Variants in CNTN5 observed in about 807,000 individuals in gnomAD.
The protein encoded by CNTN5 is contactin 5.
CNTN5 carries 77 observed loss-of-function variants against 129.1 expected under a neutral mutation model. That is an observed-to-expected ratio of 0.60 (90% confidence interval 0.50 to 0.72). CNTN5 has a LOEUF of 0.72. Ranked by LOEUF, CNTN5 falls within the 30% of genes least tolerant of loss-of-function variation. CNTN5 has a pLI of 0.00. For missense variants in CNTN5, 1,478 were observed against 1,328.8 expected (o/e 1.11, Z -1.75); for synonymous variants, 509 against 465.6 (o/e 1.09, Z -1.20).
intron 6 of CNTN5, among the ~76,000 whole-genome samples, chr11:99,889,552 T>C (rs1409482417): frequency 6.6e-5 from 10 of 150,548 alleles, no homozygotes; most frequent in Non-Finnish European, 1.5e-4. Flanking sequence ...TTTTTTCTTT[T>C]GAGATTGAGT....
At chr11:99,731,274 A>T (rs1591053208) in intron 3 of CNTN5, among the ~76,000 whole-genome samples, 1 of 149,562 alleles carries the variant, frequency 6.7e-6, no homozygotes, top group Admixed American at 6.6e-5. Context: ...TGCCTGGCTA[A>T]TTTTTTTTTT....
intron 6 of CNTN5, among the ~76,000 whole-genome samples, chr11:99,902,286 G>A (rs989854613): frequency 5.4e-5 from 8 of 147,730 alleles, no homozygotes; most frequent in South Asian, 2.2e-4. Context: ...TGAAAAATCC[G>A]AAAGAATAAC....
At chr11:100,281,849 G>C (rs1950647439) in intron 18 of CNTN5, among the ~76,000 whole-genome samples, 1 of 152,034 alleles carries the variant, frequency 6.6e-6, no homozygotes, top group Admixed American at 6.6e-5. Flanking sequence ...TCTTCTGCTA[G>C]ATCAATTCTA....
chr11:100,225,115 G>A (rs17626559), intron 16 of CNTN5: 12,589 of 182,936 alleles, frequency 0.069, 480 homozygotes, highest in Middle Eastern at 0.085. Context: ...AAGTCACTTG[G>A]ACTACAGAGA....
At chr11:99,827,352 G>A (rs1209800744) in intron 4 of CNTN5, among the ~76,000 whole-genome samples, 1 of 152,208 alleles carries the variant, frequency 6.6e-6, no homozygotes, top group Non-Finnish European at 1.5e-5. Context: ...ACCTCCCAAA[G>A]TGCTGGGATT....
At chr11:99,124,127 C>T (rs1858500538) in intron 1 of CNTN5, among the ~76,000 whole-genome samples, 1 of 152,038 alleles carries the variant, frequency 6.6e-6, no homozygotes, top group South Asian at 2.1e-4. Context: ...TGCAATATGG[C>T]CATTTTGATG....
chr11:99,682,891 T>C (rs1041408369), intron 3 of CNTN5, among the ~76,000 whole-genome samples: 2 of 152,070 alleles, frequency 1.3e-5, no homozygotes, highest in Admixed American at 6.5e-5. Context: ...ACATAAAACA[T>C]TACTGATATC....
intron 3 of CNTN5, among the ~76,000 whole-genome samples, chr11:99,745,106 A>T (rs1591081007): frequency 6.6e-6 from 1 of 152,164 alleles, no homozygotes; most frequent in African/African-American, 2.4e-5. Context: ...AAGCGTTTTT[A>T]TTGGCAGACC....
At chr11:100,040,131 G>A (rs556401983) in intron 9 of CNTN5, among the ~76,000 whole-genome samples, 36 of 151,938 alleles carry the variant, frequency 2.4e-4, no homozygotes, top group African/African-American at 6.8e-4. Context: ...TGATGGTGAC[G>A]TACAGATGGG....
Position 99,462,877 on chromosome 11 carries a change from G to A in CNTN5, c.-70-93268G>A, listed in dbSNP as rs546528928. 4.8e-3 allele frequency among the ~76,000 whole-genome samples: 737 copies of A among 152,136 alleles called. 3 individuals are homozygous for A. The highest frequency in any genetic ancestry group is 6.8e-3 in the Non-Finnish European group (465 of 68,008). On this transcript the variant is annotated intron_variant, in intron 2 of 24. Coordinates refer to ENST00000524871, the MANE Select transcript of CNTN5 (RefSeq NM_014361.4). ...AGGCAGGTGGATCATTTGAGGTTAG[G>A]AGTTCGAGACCAGCCGGATAAACAC... is the stretch of plus-strand genomic sequence containing the variant.
chr11:99,573,410 A>T (rs892703064), intron 3 of CNTN5, among the ~76,000 whole-genome samples: 12 of 151,710 alleles, frequency 7.9e-5, no homozygotes, highest in African/African-American at 1.7e-4. Context: ...CTCTACTAAA[A>T]ATACAAAAAA....
chr11:99,240,849 G>A (rs951369826), intron 1 of CNTN5, among the ~76,000 whole-genome samples: 6 of 152,130 alleles, frequency 3.9e-5, no homozygotes, highest in Admixed American at 2.6e-4. Context: ...TTTCATGATA[G>A]CGTCTGCCCC....
At chr11:99,243,497 T>C (rs1861664562) in intron 1 of CNTN5, among the ~76,000 whole-genome samples, 1 of 152,092 alleles carries the variant, frequency 6.6e-6, no homozygotes, top group Non-Finnish European at 1.5e-5. Context: ...TAGTTTTTGT[T>C]GCAGTTGCTC....
chr11:100,031,605 C>T (rs193114402), intron 9 of CNTN5, among the ~76,000 whole-genome samples: 9 of 152,288 alleles, frequency 5.9e-5, no homozygotes, highest in African/African-American at 1.4e-4. Context: ...TCTAGCTTCA[C>T]GTCCTGTTTC....
chr11:100,317,960 G>A (rs751874704), intron 21 of CNTN5, among the ~76,000 whole-genome samples: 5 of 151,912 alleles, frequency 3.3e-5, no homozygotes, highest in Non-Finnish European at 5.9e-5. Context: ...AGTATTTCTC[G>A]GCTGGGCGCG....
chr11:99,764,533 C>T (rs145952636), intron 3 of CNTN5, among the ~76,000 whole-genome samples: 41 of 152,112 alleles, frequency 2.7e-4, no homozygotes, highest in African/African-American at 8.9e-4. Context: ...CTCCTGCCTC[C>T]GCCTTCCCAA....
chr11:99,653,095 T>G (rs1233727087), intron 3 of CNTN5, among the ~76,000 whole-genome samples: 3 of 151,998 alleles, frequency 2.0e-5, no homozygotes, highest in African/African-American at 7.2e-5. Flanking sequence ...TCAATTTTAT[T>G]GGTGACAACT....
chr11:99,772,989 A>C (rs917381279), intron 3 of CNTN5, among the ~76,000 whole-genome samples: 1 of 152,042 alleles, frequency 6.6e-6, no homozygotes, highest in Non-Finnish European at 1.5e-5. Context: ...GGTATAATAT[A>C]CACATAATGT....
intron 3 of CNTN5, among the ~76,000 whole-genome samples, chr11:99,656,585 C>G (rs1952374665): frequency 6.6e-6 from 1 of 152,178 alleles, no homozygotes; most frequent in Admixed American, 6.5e-5. Flanking sequence ...GTTAATGGAC[C>G]TTAAGAGTGG....
Sources: gnomAD v4.1 joint callset for allele counts (sites outside exome capture counted in the v4.1 genomes callset) on GRCh38, gnomAD v4.1.1 for gene constraint, MANE v1.5 for transcripts, NCBI Gene and HGNC (gene_info 2026-07-23, HGNC 2026-07-21) for gene names.